Variants in SULT4A1 observed in about 807,000 individuals in gnomAD.
SULT4A1 encodes the protein sulfotransferase 4A1.
Under a neutral mutation model 35.2 loss-of-function variants are expected in SULT4A1, and 11 were observed. The observed-to-expected ratio is 0.31, with a 90% CI of 0.20 to 0.52. The LOEUF is 0.52. Among genes scored for constraint, SULT4A1 ranks in the 20% least tolerant of loss-of-function variants. The pLI is 0.97. For synonymous variants in SULT4A1, 152 were observed against 151.8 expected (o/e 1.00, Z -0.01); for missense variants, 271 against 383.7 (o/e 0.71, Z 2.45).
chr22:43,856,762 G>C (rs1603410148), intron 1 of SULT4A1, among the ~76,000 whole-genome samples: 1 of 152,182 alleles, frequency 6.6e-6, no homozygotes, highest in East Asian at 1.9e-4. Context: ...AAGGTAATCA[G>C]ATCAACACCC....
chr22:43,836,818 A>C (rs1603405613), intron 4 of SULT4A1, among the ~76,000 whole-genome samples: 1 of 144,586 alleles, frequency 6.9e-6, no homozygotes, highest in East Asian at 2.1e-4. Context: ...CAGCGTCCTC[A>C]CACTGCAGGT....
chr22:43,845,170 G>A (rs967169068), intron 1 of SULT4A1, among the ~76,000 whole-genome samples: 2 of 152,126 alleles, frequency 1.3e-5, no homozygotes, highest in Non-Finnish European at 1.5e-5. Flanking sequence ...TCATATCGGC[G>A]GCTCCAGTTT....
intron 1 of SULT4A1, among the ~76,000 whole-genome samples, chr22:43,853,316 A>G (rs1017324363): frequency 6.6e-6 from 1 of 152,214 alleles, no homozygotes; most frequent in Non-Finnish European, 1.5e-5. Flanking sequence ...CGATCAAGCA[A>G]GGGTGAAACA....
chr22:43,830,472 G>C (rs1215985424), intron 5 of SULT4A1, among the ~76,000 whole-genome samples: 2 of 152,224 alleles, frequency 1.3e-5, no homozygotes, highest in Admixed American at 1.3e-4. Flanking sequence ...ACCCAGCAGG[G>C]ATCAGGCAGA....
chr22:43,840,920 GC>G (rs145832055), intron 2 of SULT4A1, among the ~76,000 whole-genome samples: 14,975 of 152,210 alleles, frequency 0.098, 913 homozygotes, highest in East Asian at 0.27. Flanking sequence ...TTCAGGACCT[GC>G]CTCAGACATC....
chr22:43,845,633 T>C (rs902675137), intron 1 of SULT4A1, among the ~76,000 whole-genome samples: 1 of 151,512 alleles, frequency 6.6e-6, no homozygotes, highest in Non-Finnish European at 1.5e-5. Flanking sequence ...TCACTCTGCC[T>C]TCTAGTCCAG....
chr22:43,838,882 A>G lies in SULT4A1; in HGVS notation c.493T>C (p.Phe165Leu), dbSNP rs2063399554. ...RGTFQEFCRRFMNDKLGYGSW... is the reference protein window; with the variant it reads ...RGTFQEFCRRLMNDKLGYGSW... The stretch of plus-strand genomic sequence containing the variant: ...CAACACTCACGCTTATCATTCATAA[A>G]CCTCCGGCAGAATTCTTGAAAGGTG... The change falls in exon 4 of 7, where the codon TTT becomes CTT. Residue 165 changes from phenylalanine to leucine, a missense_variant. Phe to Leu is a conservative substitution (Grantham distance 22). This residue lies in a region of SULT4A1 where 164 missense variants were observed against 254.1 expected (regional missense o/e 0.65). Coordinates refer to ENST00000330884, the MANE Select transcript of SULT4A1 (RefSeq NM_014351.4). 1 of 1,613,882 alleles carries G rather than the reference A, an allele frequency of 6.2e-7. No homozygotes were observed. The highest frequency in any genetic ancestry group is 8.5e-7 in the Non-Finnish European group (1 of 1,179,928).
In SULT4A1 at chr22:43,830,831, G is replaced by A. The variant is rs185712196; in HGVS notation, c.604-1633C>T. On this transcript the variant is annotated intron_variant, in intron 5 of 6. Transcript: ENST00000330884. The stretch of plus-strand genomic sequence containing the variant: ...AAGCATTCCCTCTCAACCCCAGGGT[G>A]AGAACACATGGACCCACACCACAGT... Among the ~76,000 whole-genome samples the A allele has an allele frequency of 1.4e-4, 21 of 152,346 alleles. 1 individual carries two copies. The East Asian group carries it at 3.5e-3, about 25-fold the overall frequency.
At chr22:43,833,755 G>T (rs1374125396) in intron 4 of SULT4A1, 21 bp from the exon 5 acceptor site, 1 of 1,555,132 alleles carries the variant, frequency 6.4e-7, no homozygotes, top group Non-Finnish European at 8.7e-7. Flanking sequence ...AGGGGACAGG[G>T]TGAGCCACAC....
At chr22:43,846,341 A>C (rs2148295923) in intron 1 of SULT4A1, among the ~76,000 whole-genome samples, 1 of 152,354 alleles carries the variant, frequency 6.6e-6, no homozygotes, top group Non-Finnish European at 1.5e-5. Flanking sequence ...CCTGCCCAGA[A>C]AAAGCCTGCA....
In SULT4A1 at chr22:43,862,203, G is replaced by C. The variant is rs530403094; in HGVS notation, c.169+11C>G. ...GCATGGCGTGGCGGGCGCGGTCGGC[G>C]CGGGGCTCACCGGACTTGGGGTAGG... On this transcript the variant is annotated intron_variant, in intron 1 of 6. Transcript: ENST00000330884. 2.0e-6 allele frequency: 3 copies of C among 1,530,512 alleles called. No homozygotes were observed. The highest frequency in any genetic ancestry group is 2.9e-5 in the African/African-American group (2 of 69,404). The allele number at this position is 1,530,512 out of a possible 1,614,324, so 94.8% of individuals were successfully genotyped here.
intron 5 of SULT4A1, among the ~76,000 whole-genome samples, chr22:43,833,036 T>G (rs1333920754): frequency 2.0e-5 from 3 of 152,062 alleles, no homozygotes; most frequent in Admixed American, 6.5e-5. Context: ...AGGAGCAACC[T>G]CACAGTCCAC....
At chr22:43,846,040 C>T (rs1165565224) in intron 1 of SULT4A1, among the ~76,000 whole-genome samples, 1 of 152,208 alleles carries the variant, frequency 6.6e-6, no homozygotes, top group Non-Finnish European at 1.5e-5. Flanking sequence ...TCAGACTCCA[C>T]CACTGTCCAC....
intron 2 of SULT4A1, among the ~76,000 whole-genome samples, chr22:43,840,327 G>C (rs886980743): frequency 2.6e-5 from 4 of 152,112 alleles, no homozygotes; most frequent in African/African-American, 9.6e-5. Context: ...GGAGTAGGGA[G>C]GGGTCAGAGC....
At chr22:43,838,312 C>T (rs973232631) in intron 4 of SULT4A1, among the ~76,000 whole-genome samples, 2 of 152,270 alleles carry the variant, frequency 1.3e-5, no homozygotes, top group Non-Finnish European at 2.9e-5. Flanking sequence ...ATGGCACTCT[C>T]GGCCCGGCTG....
At chr22:43,859,968 T>TC (rs1010337366) in intron 1 of SULT4A1, among the ~76,000 whole-genome samples, 19 of 152,108 alleles carry the variant, frequency 1.2e-4, no homozygotes, top group Non-Finnish European at 7.3e-5. Context: ...ACAAAAAGAA[T>TC]CCGAGCAAGC....
chr22:43,850,772 C>G (rs774728498), intron 1 of SULT4A1, among the ~76,000 whole-genome samples: 4 of 152,202 alleles, frequency 2.6e-5, no homozygotes, highest in Non-Finnish European at 5.9e-5. Flanking sequence ...CCACATCCAC[C>G]TCCCATGTGA....
chr22:43,842,064 G>A, intron 1 of SULT4A1, 132 bp from the exon 2 acceptor site: 3 of 1,373,356 alleles, frequency 2.2e-6, no homozygotes, highest in Non-Finnish European at 2.9e-6. Context: ...CTGAGTCTGG[G>A]AAGAGGAGCG....
At chr22:43,826,506 C>G in intron 6 of SULT4A1, 1 of 985,434 alleles carries the variant, frequency 1.0e-6, no homozygotes, top group Non-Finnish European at 1.2e-6. Context: ...CGAGTATGAT[C>G]TGCCGCGGGA....
Sources: allele counts gnomAD v4.1 joint callset (sites outside exome capture counted in the v4.1 genomes callset), GRCh38; gene constraint gnomAD v4.1.1; regional missense constraint gnomAD v4.1.1; transcripts MANE v1.5; gene names NCBI Gene and HGNC (gene_info 2026-07-23, HGNC 2026-07-21).